Variants in ASAP2 observed in about 807,000 individuals in gnomAD.
The protein encoded by ASAP2 is ArfGAP with SH3 domain, ankyrin repeat and PH domain 2, also known as arf-GAP with SH3 domain, ANK repeat and PH domain-containing protein 2.
A neutral mutation model predicts 131.4 loss-of-function variants in ASAP2; 45 were observed. That is an observed-to-expected ratio of 0.34 (90% confidence interval 0.27 to 0.44). The LOEUF (loss-of-function observed/expected upper bound fraction) is 0.44. Ranked by LOEUF, ASAP2 falls within the 20% of genes least tolerant of loss-of-function variation. The pLI, the probability that ASAP2 is intolerant of heterozygous loss-of-function variation, is 1.00. For missense variants in ASAP2, 1,011 were observed against 1,297.0 expected (o/e 0.78, Z 3.39); for synonymous variants, 510 against 503.0 (o/e 1.01, Z -0.19).
intron 15 of ASAP2, among the ~76,000 whole-genome samples, chr2:9,365,406 C>A (rs1673394968): frequency 1.3e-5 from 2 of 152,208 alleles, no homozygotes; most frequent in African/African-American, 4.8e-5. Flanking sequence ...CTGTTCTCTC[C>A]TGGGGTGAGT....
intron 21 of ASAP2, among the ~76,000 whole-genome samples, chr2:9,385,715 CA>C (rs1482185427): frequency 6.6e-6 from 1 of 152,212 alleles, no homozygotes; most frequent in Non-Finnish European, 1.5e-5. Flanking sequence ...TAGGTGATCA[CA>C]TTCTCCTGGT....
intron 7 of ASAP2, among the ~76,000 whole-genome samples, chr2:9,334,126 A>G (rs1468183213): frequency 2.1e-5 from 3 of 144,602 alleles, no homozygotes; most frequent in Non-Finnish European, 3.0e-5. Context: ...GGCTCACTGC[A>G]ACCTCCACCT....
At chr2:9,341,778 C>T (rs529127355) in intron 9 of ASAP2, among the ~76,000 whole-genome samples, 1 of 152,150 alleles carries the variant, frequency 6.6e-6, no homozygotes, top group African/African-American at 2.4e-5. Flanking sequence ...ATTTTGGTGC[C>T]GATGTTCCGC....
intron 1 of ASAP2, among the ~76,000 whole-genome samples, chr2:9,242,951 C>A (rs1664083043): frequency 6.6e-6 from 1 of 152,156 alleles, no homozygotes; most frequent in Non-Finnish European, 1.5e-5. Flanking sequence ...AAAAAAGAGG[C>A]ATAAGCAGCG....
rs140310742 is a variant in ASAP2, at chr2:9,349,726, C to T, written c.1024-1082C>T. On this transcript the variant is annotated intron_variant, in intron 11 of 27. Transcript: ENST00000281419. Reference sequence around the variant, plus strand: ...ACTAGTCCAAACTTACATTTATTAACCCAAATCCTTCACGCTGCAAGGATG... The same window carrying T: ...ACTAGTCCAAACTTACATTTATTAATCCAAATCCTTCACGCTGCAAGGATG... Among the ~76,000 whole-genome samples, 322 of 152,286 alleles carry T rather than the reference C, an allele frequency of 2.1e-3. 1 individual carries two copies. The highest frequency in any genetic ancestry group is 3.5e-3 in the Admixed American group (54 of 15,302).
chr2:9,393,107 G>A (rs1401065139), intron 23 of ASAP2, among the ~76,000 whole-genome samples: 1 of 152,174 alleles, frequency 6.6e-6, no homozygotes, highest in African/African-American at 2.4e-5. Context: ...CAGGTCAGTC[G>A]ATGTGCAAAG....
intron 9 of ASAP2, among the ~76,000 whole-genome samples, chr2:9,342,227 C>T (rs545988024): frequency 6.6e-6 from 1 of 152,292 alleles, no homozygotes; most frequent in African/African-American, 2.4e-5. Flanking sequence ...AAAAGAAGAA[C>T]AAAGTTGGAG....
chr2:9,251,938 AT>A (rs550467346), intron 1 of ASAP2, among the ~76,000 whole-genome samples: 346 of 147,624 alleles, frequency 2.3e-3, no homozygotes, highest in East Asian at 4.7e-3. Context: ...TCTTTCCTTA[AT>A]TTTTTTTTTT....
At chr2:9,316,969 C>T (rs546747789) in intron 3 of ASAP2, among the ~76,000 whole-genome samples, 1 of 140,110 alleles carries the variant, frequency 7.1e-6, no homozygotes, top group Admixed American at 7.0e-5. Context: ...ACACACCCCC[C>T]GTCACACCCT....
At chr2:9,383,331 G>C (rs1343468970) in intron 20 of ASAP2, among the ~76,000 whole-genome samples, 1 of 152,062 alleles carries the variant, frequency 6.6e-6, no homozygotes, top group Non-Finnish European at 1.5e-5. Context: ...CGTGCTTGTG[G>C]ACAGCCTCAA....
chr2:9,270,785 A>ATTTTTTTTTTTTTTTTC (rs1666304035), intron 1 of ASAP2, among the ~76,000 whole-genome samples: 1 of 52,924 alleles, frequency 1.9e-5, no homozygotes, highest in Non-Finnish European at 3.5e-5. Flanking sequence ...AATTGTTTTC[A>ATTTTTTTTTTTTTTTTC]TTTTTTTTTT....
At chr2:9,233,196 C>T (rs564369969) in intron 1 of ASAP2, among the ~76,000 whole-genome samples, 22 of 152,202 alleles carry the variant, frequency 1.4e-4, no homozygotes, top group African/African-American at 4.8e-4. Context: ...TGATAGTGAT[C>T]GATGTCTGTG....
At chr2:9,291,635 T>C (rs1384259200) in intron 2 of ASAP2, among the ~76,000 whole-genome samples, 1 of 152,180 alleles carries the variant, frequency 6.6e-6, no homozygotes, top group Non-Finnish European at 1.5e-5. Flanking sequence ...TGTCTCTCCT[T>C]AAACGCTCCC....
intron 2 of ASAP2, among the ~76,000 whole-genome samples, chr2:9,290,037 G>A (rs1015035213): frequency 6.6e-6 from 1 of 152,134 alleles, no homozygotes; most frequent in Non-Finnish European, 1.5e-5. Context: ...GAGCTCTCAG[G>A]GGTTATGAAT....
chr2:9,318,161 G>A (rs1209979253), intron 3 of ASAP2, among the ~76,000 whole-genome samples: 1 of 152,188 alleles, frequency 6.6e-6, no homozygotes, highest in African/African-American at 2.4e-5. Flanking sequence ...GTGGAGCCGT[G>A]ATTGAGAGTC....
intron 11 of ASAP2, among the ~76,000 whole-genome samples, chr2:9,348,490 T>G (rs1459727129): frequency 6.6e-6 from 1 of 152,170 alleles, no homozygotes; most frequent in Non-Finnish European, 1.5e-5. Context: ...TCCCATAAAT[T>G]TTTCTAATAG....
chr2:9,308,487 C>A (rs1669093223), intron 3 of ASAP2, among the ~76,000 whole-genome samples: 1 of 152,198 alleles, frequency 6.6e-6, no homozygotes, highest in African/African-American at 2.4e-5. Context: ...ACCCAAACCA[C>A]ATCAGTGATT....
intron 20 of ASAP2, among the ~76,000 whole-genome samples, chr2:9,384,179 TAAAAA>T (rs1292181587): frequency 6.6e-6 from 1 of 152,104 alleles, no homozygotes; most frequent in African/African-American, 2.4e-5. Flanking sequence ...ATAAATTAAT[TAAAAA>T]GAAAAGAACA....
At chr2:9,233,986 C>T (rs1051498617) in intron 1 of ASAP2, among the ~76,000 whole-genome samples, 2 of 151,906 alleles carry the variant, frequency 1.3e-5, no homozygotes, top group Admixed American at 6.6e-5. Flanking sequence ...TGACAGGCAC[C>T]TGTAATCCCA....
Sources: gnomAD v4.1 joint callset for allele counts (sites outside exome capture counted in the v4.1 genomes callset) on GRCh38, gnomAD v4.1.1 for gene constraint, MANE v1.5 for transcripts, NCBI Gene and HGNC (gene_info 2026-07-23, HGNC 2026-07-21) for gene names.